DNAH14: variants seen among roughly 807,000 people sequenced by gnomAD.
DNAH14 encodes dynein axonemal heavy chain 14, also known as axonemal beta dynein heavy chain 14.
DNAH14 carries 478 observed loss-of-function variants against 520.9 expected under a neutral mutation model. That is an observed-to-expected ratio of 0.92 (90% CI 0.85 to 0.99). The LOEUF (loss-of-function observed/expected upper bound fraction) is 0.99. Among genes scored for constraint, DNAH14 ranks in the 50% least tolerant of loss-of-function variants. The probability of loss-of-function intolerance (pLI) is 0.00; values close to 1 mark genes in which losing one functional copy is unlikely to be tolerated. For missense variants in DNAH14, 4,831 were observed against 5,234.5 expected (o/e 0.92, Z 2.38); for synonymous variants, 1,581 against 1,757.2 (o/e 0.90, Z 2.51).
chr1:225,177,654 C>T (rs2083476279), intron 36 of DNAH14, among the ~76,000 whole-genome samples: 1 of 152,164 alleles, frequency 6.6e-6, no homozygotes, highest in Non-Finnish European at 1.5e-5. Context: ...AAGCCTCAAG[C>T]CTTGGCAGCT....
chr1:225,067,473 C>A (rs1198497955), intron 17 of DNAH14, among the ~76,000 whole-genome samples: 1 of 151,970 alleles, frequency 6.6e-6, no homozygotes, highest in East Asian at 1.9e-4. Flanking sequence ...TTCCTTTGTG[C>A]ATATACCCAG....
intron 17 of DNAH14, among the ~76,000 whole-genome samples, chr1:225,070,955 A>G (rs1261005932): frequency 6.6e-6 from 1 of 151,926 alleles, no homozygotes; most frequent in Non-Finnish European, 1.5e-5. Flanking sequence ...TGTCTTTTTT[A>G]TCTTTGTTGG....
chr1:224,992,454 A>G (rs1204027048), intron 8 of DNAH14, among the ~76,000 whole-genome samples: 1 of 151,938 alleles, frequency 6.6e-6, no homozygotes, highest in East Asian at 1.9e-4. Flanking sequence ...ATTTATTCCT[A>G]AGTATTTTAT....
intron 35 of DNAH14, 35 bp downstream of exon 35, chr1:225,159,520 T>C (rs1472012680): frequency 1.4e-6 from 2 of 1,468,098 alleles, no homozygotes; most frequent in Non-Finnish European, 1.8e-6. Context: ...ACCAATTATT[T>C]GGATGTGGAA....
intron 17 of DNAH14, among the ~76,000 whole-genome samples, chr1:225,062,524 A>G (rs1174237894): frequency 7.0e-6 from 1 of 143,772 alleles, no homozygotes; most frequent in Admixed American, 7.3e-5. Context: ...TTTAGGGCAG[A>G]GTCCTATAAA....
intron 31 of DNAH14, among the ~76,000 whole-genome samples, chr1:225,150,288 C>T (rs1033075118): frequency 5.3e-5 from 8 of 152,206 alleles, no homozygotes; most frequent in East Asian, 1.9e-4. Context: ...CTGCTAGATT[C>T]GATTTGCCAG....
chr1:225,173,589 T>A (rs191621868), intron 36 of DNAH14, among the ~76,000 whole-genome samples: 63 of 152,248 alleles, frequency 4.1e-4, no homozygotes, highest in Non-Finnish European at 8.2e-4. Flanking sequence ...AGAATGGTGA[T>A]CATCAAAAAG....
At chr1:225,264,721 C>A (rs2093054164) in intron 47 of DNAH14, among the ~76,000 whole-genome samples, 1 of 152,076 alleles carries the variant, frequency 6.6e-6, no homozygotes, top group Non-Finnish European at 1.5e-5. Context: ...CTCCGTTTCT[C>A]AAGAGGAAAA....
intron 71 of DNAH14, among the ~76,000 whole-genome samples, chr1:225,349,760 A>G (rs1301636564): frequency 1.3e-5 from 2 of 152,196 alleles, no homozygotes; most frequent in East Asian, 3.8e-4. Context: ...GTAGTAATAA[A>G]TGCTTATTCA....
chr1:224,989,481 G>C (rs2062881255), intron 8 of DNAH14, among the ~76,000 whole-genome samples: 2 of 151,862 alleles, frequency 1.3e-5, no homozygotes, highest in African/African-American at 4.8e-5. Context: ...TATTTTTTGG[G>C]ATATTCTACA....
chr1:225,220,625 ACACACCACTGCT>A (rs1436710247), intron 41 of DNAH14, among the ~76,000 whole-genome samples: 3 of 152,216 alleles, frequency 2.0e-5, no homozygotes, highest in Non-Finnish European at 4.4e-5. Context: ...AAGGAGAACT[ACACACCACTGCT>A]CAAGGAAATA....
intron 41 of DNAH14, among the ~76,000 whole-genome samples, chr1:225,214,868 T>C (rs2089057010): frequency 6.6e-6 from 1 of 152,208 alleles, no homozygotes; most frequent in African/African-American, 2.4e-5. Context: ...GCTCCTGGAT[T>C]CATTGATTTT....
At chr1:225,122,951 T>C (rs1250367321) in intron 26 of DNAH14, among the ~76,000 whole-genome samples, 4 of 152,162 alleles carry the variant, frequency 2.6e-5, no homozygotes, top group African/African-American at 9.7e-5. Flanking sequence ...TTCTAAGAGA[T>C]ATAGTATCAA....
intron 21 of DNAH14, among the ~76,000 whole-genome samples, chr1:225,096,769 G>A (rs2148697987): frequency 6.6e-6 from 1 of 152,202 alleles, no homozygotes; most frequent in East Asian, 1.9e-4. Context: ...GAAATAATAT[G>A]CATATCACAT....
At chr1:225,178,059 CT>C (rs1191570616) in intron 36 of DNAH14, among the ~76,000 whole-genome samples, 1 of 152,172 alleles carries the variant, frequency 6.6e-6, no homozygotes, top group Non-Finnish European at 1.5e-5. Context: ...CGGAACCCAC[CT>C]TTTGCATCAG....
chr1:225,185,778 A>C (rs1396145663), intron 37 of DNAH14, among the ~76,000 whole-genome samples: 1 of 151,538 alleles, frequency 6.6e-6, no homozygotes, highest in African/African-American at 2.4e-5. Context: ...TTCCAAGTTA[A>C]TTTTAATTAA....
intron 27 of DNAH14, among the ~76,000 whole-genome samples, chr1:225,130,185 A>T (rs2078235688): frequency 6.6e-6 from 1 of 152,178 alleles, no homozygotes; most frequent in African/African-American, 2.4e-5. Flanking sequence ...GCTAGAGAGG[A>T]TGTGGAGAAA....
chr1:225,374,600 G>C (rs1404084078), intron 77 of DNAH14, 88 bp from the exon 78 acceptor site: 1 of 1,178,018 alleles, frequency 8.5e-7, no homozygotes, highest in Non-Finnish European at 1.2e-6. Context: ...ATATGTAGCT[G>C]TTTGAGAGTT....
At chr1:225,056,817 G>T (rs1280174479) in intron 17 of DNAH14, among the ~76,000 whole-genome samples, 1 of 152,112 alleles carries the variant, frequency 6.6e-6, no homozygotes, top group Non-Finnish European at 1.5e-5. Flanking sequence ...TTTTTGTCAG[G>T]TTTGTCAAAG....
Sources: allele counts gnomAD v4.1 joint callset (sites outside exome capture counted in the v4.1 genomes callset), GRCh38; gene constraint gnomAD v4.1.1; transcripts MANE v1.5; gene names NCBI Gene and HGNC (gene_info 2026-07-23, HGNC 2026-07-21).